MCC: variants seen among roughly 807,000 people sequenced by gnomAD.
The protein encoded by MCC is MCC regulator of Wnt signaling pathway, also known as colorectal mutant cancer protein.
A neutral mutation model predicts 116.2 loss-of-function variants in MCC; 90 were observed. The observed-to-expected ratio is 0.77, with a 90% CI of 0.65 to 0.92. MCC has a LOEUF of 0.92. Among genes scored for constraint, MCC ranks in the 40% least tolerant of loss-of-function variants. The pLI, the probability that MCC is intolerant of heterozygous loss-of-function variation, is 0.00. For missense variants in MCC, 1,516 were observed against 1,312.2 expected, an observed-to-expected ratio of 1.16 and a Z score of -2.40; for synonymous variants, 578 against 510.5, an observed-to-expected ratio of 1.13 and a Z score of -1.78.
intron 3 of MCC, among the ~76,000 whole-genome samples, chr5:113,302,118 G>A (rs1279589753): frequency 6.6e-6 from 1 of 152,148 alleles, no homozygotes; most frequent in Non-Finnish European, 1.5e-5. Context: ...TGAATTAATA[G>A]ATTTAAGTAT....
chr5:113,333,072 G>A (rs1285120033), intron 3 of MCC, among the ~76,000 whole-genome samples: 1 of 151,568 alleles, frequency 6.6e-6, no homozygotes, highest in African/African-American at 2.4e-5. Flanking sequence ...GTATTTTATG[G>A]TTGATATGAA....
chr5:113,371,718 A>T (rs1768840626), intron 2 of MCC, among the ~76,000 whole-genome samples: 1 of 152,224 alleles, frequency 6.6e-6, no homozygotes, highest in Non-Finnish European at 1.5e-5. Flanking sequence ...TACACAAAAC[A>T]TTAGTTAAAA....
chr5:113,049,490 C>T (rs1372000279), intron 15 of MCC, among the ~76,000 whole-genome samples, 191 bp from the exon 16 acceptor site: 1 of 152,194 alleles, frequency 6.6e-6, no homozygotes, highest in African/African-American at 2.4e-5. Context: ...AAAGGAATGA[C>T]GTATGGACAA....
At chr5:113,088,604 G>A (rs907587219) in intron 8 of MCC, among the ~76,000 whole-genome samples, 1 of 152,002 alleles carries the variant, frequency 6.6e-6, no homozygotes, top group African/African-American at 2.4e-5. Flanking sequence ...AAGACAGAGA[G>A]ACACAGGGAA....
chr5:113,073,864 T>A (rs552984715), intron 11 of MCC, among the ~76,000 whole-genome samples: 100 of 152,274 alleles, frequency 6.6e-4, no homozygotes, highest in Admixed American at 1.0e-3. Flanking sequence ...GTTGAGTAGG[T>A]AAACAAAGTG....
At chr5:113,321,837 A>G (rs997308577) in intron 3 of MCC, among the ~76,000 whole-genome samples, 12 of 151,834 alleles carry the variant, frequency 7.9e-5, no homozygotes, top group African/African-American at 2.9e-4. Context: ...CTTTATTTTT[A>G]TTTTTTATTT....
Position 113,444,795 on chromosome 5 carries a change from G to A in MCC, c.170+43450C>T, listed in dbSNP as rs190160270. 4.3e-3 allele frequency among the ~76,000 whole-genome samples: 662 copies of A among 152,256 alleles called. 7 individuals are homozygous for A. Among genetic ancestry groups the A allele is most frequent in the Admixed American group, 9.5e-3 (146 of 15,294 alleles). Reference sequence around the variant, plus strand: ...TACAGTTCTCTATATTGAAGGCCTTGCATCAGTTTCTGGGCCAATGACCTG... The same window carrying A: ...TACAGTTCTCTATATTGAAGGCCTTACATCAGTTTCTGGGCCAATGACCTG... On this transcript the variant is annotated intron_variant, in intron 1 of 18. Coordinates refer to ENST00000408903, the MANE Select transcript of MCC (RefSeq NM_001085377.2).
intron 3 of MCC, among the ~76,000 whole-genome samples, chr5:113,196,262 T>C (rs1452494821): frequency 6.6e-6 from 1 of 152,224 alleles, no homozygotes; most frequent in African/African-American, 2.4e-5. Flanking sequence ...AATGACCCTC[T>C]TTCCTGACAT....
At chr5:113,033,424 A>G (rs6884109) in intron 17 of MCC, among the ~76,000 whole-genome samples, 3,251 of 152,350 alleles carry the variant, frequency 0.021, 49 homozygotes, top group Middle Eastern at 0.054. Flanking sequence ...AAACGATGAC[A>G]TGGAAAATGC....
chr5:113,051,069 G>C (rs1752452098), intron 15 of MCC, among the ~76,000 whole-genome samples: 1 of 152,216 alleles, frequency 6.6e-6, no homozygotes, highest in South Asian at 2.1e-4. Flanking sequence ...GTCATGTGTA[G>C]GTGTGGTACA....
chr5:113,426,722 A>T (rs933810817), intron 1 of MCC, among the ~76,000 whole-genome samples: 2 of 152,244 alleles, frequency 1.3e-5, no homozygotes, highest in African/African-American at 4.8e-5. Flanking sequence ...CACCCACCCC[A>T]GAATTCGTGA....
intron 17 of MCC, among the ~76,000 whole-genome samples, chr5:113,030,133 T>C (rs1750854884): frequency 6.6e-6 from 1 of 152,188 alleles, no homozygotes; most frequent in African/African-American, 2.4e-5. Context: ...TTTGCATGAT[T>C]AATTTATAAG....
At chr5:113,115,237 G>A (rs781667358) in intron 6 of MCC, among the ~76,000 whole-genome samples, 1 of 152,148 alleles carries the variant, frequency 6.6e-6, no homozygotes, top group Non-Finnish European at 1.5e-5. Flanking sequence ...CTGAGTAAGC[G>A]AGGCACCCCT....
At chr5:113,277,264 A>T (rs1450090498) in intron 3 of MCC, among the ~76,000 whole-genome samples, 6 of 151,744 alleles carry the variant, frequency 4.0e-5, no homozygotes, top group African/African-American at 1.5e-4. Context: ...GCTACTCGGG[A>T]GGCTGAGGCA....
At chr5:113,344,902 A>G (rs975871322) in intron 2 of MCC, among the ~76,000 whole-genome samples, 6 of 152,048 alleles carry the variant, frequency 3.9e-5, no homozygotes, top group Non-Finnish European at 5.9e-5. Flanking sequence ...TATATTTGAG[A>G]AAAGCAGAGA....
chr5:113,208,637 C>T (rs973087028), intron 3 of MCC, among the ~76,000 whole-genome samples: 4 of 152,196 alleles, frequency 2.6e-5, no homozygotes, highest in East Asian at 1.9e-4. Context: ...AATGCAGTTG[C>T]TATGATGCCA....
intron 17 of MCC, among the ~76,000 whole-genome samples, chr5:113,032,278 C>G (rs971655327): frequency 6.6e-6 from 1 of 152,044 alleles, no homozygotes; most frequent in Non-Finnish European, 1.5e-5. Flanking sequence ...TGTGGTGGCG[C>G]TTGCCTGTAA....
At chr5:113,071,756 T>C (rs1295558510) in intron 11 of MCC, among the ~76,000 whole-genome samples, 1 of 152,242 alleles carries the variant, frequency 6.6e-6, no homozygotes, top group African/African-American at 2.4e-5. Context: ...TATCTTGCCC[T>C]GGGATTTGAA....
chr5:113,329,389 C>T (rs1767641196), intron 3 of MCC, among the ~76,000 whole-genome samples: 1 of 151,960 alleles, frequency 6.6e-6, no homozygotes, highest in African/African-American at 2.4e-5. Context: ...TATATACACA[C>T]ACACACACAC....
Sources: gnomAD v4.1 joint callset for allele counts (sites outside exome capture counted in the v4.1 genomes callset) on GRCh38, gnomAD v4.1.1 for gene constraint, MANE v1.5 for transcripts, NCBI Gene and HGNC (gene_info 2026-07-23, HGNC 2026-07-21) for gene names.